The following PNPLA8 variants were observed in gnomAD, a reference collection of about 807,000 sequenced individuals.
The protein encoded by PNPLA8 is patatin like domain 8, phospholipase A2.
Under a neutral mutation model 76.9 loss-of-function variants are expected in PNPLA8, and 39 were observed. The observed-to-expected ratio is 0.51, with a 90% CI of 0.39 to 0.66. The LOEUF (loss-of-function observed/expected upper bound fraction) is 0.66. Ranked by LOEUF, PNPLA8 falls within the 30% of genes least tolerant of loss-of-function variation. The pLI, the probability that PNPLA8 is intolerant of heterozygous loss-of-function variation, is 0.00. For synonymous variants in PNPLA8, 301 were observed against 307.9 expected, an observed-to-expected ratio of 0.98 and a Z score of 0.24; for missense variants, 887 against 918.0, an observed-to-expected ratio of 0.97 and a Z score of 0.44.
At chr7:108,498,753 G>A (rs567157834) in intron 5 of PNPLA8, among the ~76,000 whole-genome samples, 8 of 152,192 alleles carry the variant, frequency 5.3e-5, no homozygotes, top group Admixed American at 2.0e-4. Flanking sequence ...AAAAGCTTAG[G>A]AGATATAGAC....
intron 7 of PNPLA8, among the ~76,000 whole-genome samples, chr7:108,495,358 C>T (rs1221057745): frequency 6.6e-6 from 1 of 152,130 alleles, no homozygotes; most frequent in African/African-American, 2.4e-5. Context: ...TGGTGAAGAA[C>T]CATTAATATA....
At chr7:108,517,951 T>C (rs1863460136) in intron 2 of PNPLA8, among the ~76,000 whole-genome samples, 1 of 152,220 alleles carries the variant, frequency 6.6e-6, no homozygotes, top group Admixed American at 6.5e-5. Flanking sequence ...TTATAAACAG[T>C]AGAAATTTAT....
At chr7:108,478,393 T>C (rs1860148408) in intron 10 of PNPLA8, among the ~76,000 whole-genome samples, 2 of 151,932 alleles carry the variant, frequency 1.3e-5, no homozygotes, top group South Asian at 4.1e-4. Flanking sequence ...ATTTAATTTG[T>C]TTTTGGTTTT....
chr7:108,507,116 G>A (rs1034348972), intron 4 of PNPLA8, among the ~76,000 whole-genome samples: 9 of 152,154 alleles, frequency 5.9e-5, no homozygotes, highest in South Asian at 2.1e-4. Context: ...GCCGAGGCAG[G>A]TGGATTACCT....
At chr7:108,520,813 GTTAGAT>G (rs1863681678) in intron 2 of PNPLA8, among the ~76,000 whole-genome samples, 1 of 152,070 alleles carries the variant, frequency 6.6e-6, no homozygotes, top group Non-Finnish European at 1.5e-5. Context: ...TAATGCATAT[GTTAGAT>G]TTAGTTAGTC....
intron 9 of PNPLA8, among the ~76,000 whole-genome samples, chr7:108,487,180 C>G (rs1860796707): frequency 6.6e-6 from 1 of 152,106 alleles, no homozygotes. Context: ...CGGACAACAT[C>G]CTAACTCTGT....
chr7:108,502,299 C>T (rs867722851), intron 5 of PNPLA8, among the ~76,000 whole-genome samples, 192 bp downstream of exon 5: 5 of 151,594 alleles, frequency 3.3e-5, no homozygotes, highest in East Asian at 1.9e-4. Context: ...AAAAATTAGC[C>T]GGGTATGGTG....
At chr7:108,492,949 C>A (rs571994183) in intron 7 of PNPLA8, among the ~76,000 whole-genome samples, 4 of 152,274 alleles carry the variant, frequency 2.6e-5, no homozygotes, top group Admixed American at 2.6e-4. Context: ...GGCTTGCTCT[C>A]TGGGAACTCT....
intron 10 of PNPLA8, among the ~76,000 whole-genome samples, chr7:108,476,537 A>G (rs1343853576): frequency 1.3e-5 from 2 of 152,236 alleles, no homozygotes; most frequent in Non-Finnish European, 2.9e-5. Flanking sequence ...AACTGTTTAT[A>G]GGAATGTAAA....
chr7:108,514,000 G>C (rs1462325759), intron 4 of PNPLA8, 144 bp downstream of exon 4: 2 of 579,908 alleles, frequency 3.4e-6, no homozygotes, highest in Non-Finnish European at 3.1e-6. Flanking sequence ...AAAATAAATA[G>C]GGTAATTACT....
At chr7:108,489,404 G>A (rs767885900) in intron 8 of PNPLA8, among the ~76,000 whole-genome samples, 3 of 152,062 alleles carry the variant, frequency 2.0e-5, no homozygotes, top group African/African-American at 7.2e-5. Flanking sequence ...TCCTGCACAG[G>A]CCATTCCCTT....
In PNPLA8 at chr7:108,490,783, CA is replaced by C. The variant is rs775029071; in HGVS notation, c.1683+626del. Among the ~76,000 whole-genome samples, 529 of 86,972 alleles carry C rather than the reference CA, an allele frequency of 6.1e-3. 1 individual carries two copies. Among genetic ancestry groups the C allele is most frequent in the East Asian group, 0.011 (33 of 2,878 alleles). The allele number at this position is 86,972 out of a possible 152,430, so 57.1% of individuals were successfully genotyped here. A position where few individuals can be genotyped will look rare whatever the true frequency, so the allele number is the denominator to read the frequency against. The stretch of plus-strand genomic sequence containing the variant: ...TGGGCGACAGAGCAAGACTCCGTCT[CA>C]AAAAAAAAAAAAAACTAGGGTAAAA... On this transcript the variant is annotated intron_variant, in intron 8 of 10. Transcript: ENST00000257694.
At chr7:108,478,822 A>G (rs1387368830) in intron 10 of PNPLA8, among the ~76,000 whole-genome samples, 1 of 152,094 alleles carries the variant, frequency 6.6e-6, no homozygotes, top group Admixed American at 6.6e-5. Flanking sequence ...AATGTCCTTT[A>G]CTCTAAATCT....
At position 108,514,826 on chromosome 7, in the gene PNPLA8, A is replaced by T; in HGVS notation, c.666T>A (p.Ser222=). 6.2e-7 allele frequency: 1 copy of T among 1,613,180 alleles called. No homozygotes were observed. Among genetic ancestry groups the T allele is most frequent in the Non-Finnish European group, 8.5e-7 (1 of 1,179,338 alleles). The part of the protein sequence containing the change: ...NSYFKRKEKM[S]QQKENEHFRD... Reference sequence around the variant, plus strand: ...GGAAATGTTCATTTTCCTTTTGTTGAGACATTTTTTCCTTACGTTTGAAAT... The same window carrying T: ...GGAAATGTTCATTTTCCTTTTGTTGTGACATTTTTTCCTTACGTTTGAAAT... Residue 222 remains serine (S), a synonymous_variant, in exon 3 of 11, where the codon TCT becomes TCA. Transcript: ENST00000257694.
intron 4 of PNPLA8, among the ~76,000 whole-genome samples, chr7:108,512,917 C>G (rs1003656952): frequency 1.4e-4 from 22 of 152,232 alleles, no homozygotes; most frequent in Admixed American, 7.9e-4. Context: ...CAACTGAAAA[C>G]TACTCAGAAA....
intron 4 of PNPLA8, among the ~76,000 whole-genome samples, chr7:108,504,998 C>T (rs1406279040): frequency 2.6e-5 from 4 of 151,940 alleles, no homozygotes; most frequent in Admixed American, 2.6e-4. Flanking sequence ...ATCATTTTAA[C>T]CTGGGAGGCA....
intron 4 of PNPLA8, among the ~76,000 whole-genome samples, chr7:108,507,203 C>T (rs1303644028): frequency 5.9e-5 from 9 of 151,734 alleles, no homozygotes; most frequent in South Asian, 4.2e-4. Flanking sequence ...ATTAGCTGGG[C>T]GTGGTGGCGG....
At chr7:108,488,891 G>T (rs151091597) in intron 8 of PNPLA8, among the ~76,000 whole-genome samples, 7 of 152,304 alleles carry the variant, frequency 4.6e-5, no homozygotes, top group African/African-American at 1.7e-4. Context: ...GCCAAAGTTA[G>T]TGTCCTGTGC....
intron 1 of PNPLA8, among the ~76,000 whole-genome samples, chr7:108,525,688 A>G (rs192450012): frequency 1.1e-4 from 17 of 152,368 alleles, no homozygotes; most frequent in Admixed American, 5.9e-4. Context: ...ACTACTGGAG[A>G]ACACTACAGT....
Sources: allele counts gnomAD v4.1 joint callset (sites outside exome capture counted in the v4.1 genomes callset), GRCh38; gene constraint gnomAD v4.1.1; transcripts MANE v1.5; gene names NCBI Gene and HGNC (gene_info 2026-07-23, HGNC 2026-07-21).